Variants in LRP12 observed in about 807,000 individuals in gnomAD.
LRP12 encodes the protein LDL receptor related protein 12.
LRP12 carries 14 observed loss-of-function variants against 66.0 expected under a neutral mutation model. The observed-to-expected ratio is 0.21, with a 90% CI of 0.14 to 0.33. The LOEUF (loss-of-function observed/expected upper bound fraction) is 0.33, where lower values mean the gene tolerates loss of function less well. Among genes scored for constraint, LRP12 ranks in the 10% least tolerant of loss-of-function variants. The pLI is 1.00. For missense variants in LRP12, 889 were observed against 1,053.4 expected (o/e 0.84, Z 2.16); for synonymous variants, 357 against 359.1 (o/e 0.99, Z 0.07).
chr8:104,529,632 C>G (rs1472976291), intron 2 of LRP12, among the ~76,000 whole-genome samples: 4 of 152,130 alleles, frequency 2.6e-5, no homozygotes, highest in Admixed American at 2.6e-4. Context: ...TTCATAAGTT[C>G]TCATACTCTG....
chr8:104,530,281 A>G (rs1424071489), intron 2 of LRP12, among the ~76,000 whole-genome samples: 2 of 152,148 alleles, frequency 1.3e-5, no homozygotes, highest in Middle Eastern at 3.2e-3. Context: ...CCTCAAGCCC[A>G]TATGTGGAAG....
At position 104,490,872 on chromosome 8, in the gene LRP12, G is replaced by C. The variant is rs1177765950; in HGVS notation, c.2381C>G (p.Pro794Arg). Residue 794 changes from proline to arginine, a missense_variant, in exon 7 of 7, where the codon CCT (proline) becomes CGT (arginine). Around this residue, in one of 3 missense-constraint regions of LRP12, gnomAD observed 800 missense variants for 964.5 expected, o/e 0.83. Coordinates refer to ENST00000276654, the MANE Select transcript of LRP12 (RefSeq NM_013437.5). ...TTGATCTGAGGCAAGATCAAGAAGA[G>C]GTCTGGAGCAGTCATTCACATCAAA... ...SDFDVNDCSR[P>R]LLDLASDQGQ... 6.2e-7 allele frequency: 1 copy of C among 1,614,052 alleles called. No individual in the cohort carries two copies. Among genetic ancestry groups the C allele is most frequent in the Middle Eastern group, 1.6e-4 (1 of 6,062 alleles).
chr8:104,523,768 T>G (rs1811185240), intron 2 of LRP12, among the ~76,000 whole-genome samples: 1 of 152,174 alleles, frequency 6.6e-6, no homozygotes, highest in Non-Finnish European at 1.5e-5. Context: ...AAAAGCCGAA[T>G]TGCTTGATAT....
In LRP12 at chr8:104,491,147, A is replaced by G. The variant is rs755266760; in HGVS notation, c.2106T>C (p.Gly702=). ...CASSSTQSTR[G]GHADNGRDVT... ...CATCCCTTCCATTATCTGCATGACCACCTCGGGTACTCTGAGTTGAGGAAC... is the reference window on the plus strand; with the variant it reads ...CATCCCTTCCATTATCTGCATGACCGCCTCGGGTACTCTGAGTTGAGGAAC... Residue 702 remains glycine, a synonymous_variant, in exon 7 of 7, where the codon GGT becomes GGC. Transcript: ENST00000276654. 1 of 1,613,928 alleles carries G rather than the reference A, an allele frequency of 6.2e-7. No individual in the cohort carries two copies. The highest frequency in any genetic ancestry group is 8.5e-7 in the Non-Finnish European group (1 of 1,180,002).
chr8:104,539,182 C>G (rs1811429438), intron 1 of LRP12, among the ~76,000 whole-genome samples: 1 of 152,114 alleles, frequency 6.6e-6, no homozygotes, highest in African/African-American at 2.4e-5. Context: ...CGACTGTAAA[C>G]ACAAACCAGT....
intron 3 of LRP12, chr8:104,506,787 A>T (rs1440373770): frequency 6.6e-6 from 1 of 152,198 alleles, no homozygotes. Flanking sequence ...AGGGAGAGGA[A>T]TGAAGTAAAA....
chr8:104,548,615 TTA>T, intron 1 of LRP12, among the ~76,000 whole-genome samples: 1 of 110,556 alleles, frequency 9.0e-6, no homozygotes, highest in Non-Finnish European at 1.8e-5. Flanking sequence ...TATAATTAAA[TTA>T]ATTATATAAT....
At position 104,539,758 on chromosome 8, in the gene LRP12, AT is replaced by A. The variant is rs1180514604; in HGVS notation, c.80-7796del. On this transcript the variant is annotated intron_variant, in intron 1 of 6. Coordinates refer to ENST00000276654, the MANE Select transcript of LRP12 (RefSeq NM_013437.5). ...AGCACTGTAAAGAATCTTATAGATA[AT>A]TCATGTCAAATTATGTGAGAAGATA... 2.6e-5 allele frequency among the ~76,000 whole-genome samples: 4 copies of A among 152,192 alleles called. No individual in the cohort carries two copies. In the South Asian group the frequency reaches 8.3e-4, roughly 32 times the overall value.
At position 104,491,238 on chromosome 8, in the gene LRP12, G is replaced by GCAA. The variant is rs1196891060; in HGVS notation, c.2012_2014dup (p.Val671dup). 6.2e-7 allele frequency: 1 copy of GCAA among 1,614,046 alleles called. No homozygotes were observed. The highest frequency in any genetic ancestry group is 1.1e-5 in the South Asian group (1 of 91,072). On this transcript the variant is annotated inframe_insertion, in exon 7 of 7. Coordinates refer to ENST00000276654, the MANE Select transcript of LRP12 (RefSeq NM_013437.5). ...AGGGACTTTTTGAGGCAAAGGAGCTGCAACCCCACCAGATGCTCCTGCCAT... is the reference window on the plus strand; with the variant it reads ...AGGGACTTTTTGAGGCAAAGGAGCTGCAACAACCCCACCAGATGCTCCTGCCAT...
chr8:104,585,499 T>G (rs148499963), intron 1 of LRP12, among the ~76,000 whole-genome samples: 3,507 of 152,308 alleles, frequency 0.023, 156 homozygotes, highest in African/African-American at 0.08. Flanking sequence ...GTGCTGGGAT[T>G]ACAGGCTTGA....
Position 104,533,967 on chromosome 8 carries a change from C to G in LRP12, c.80-2004G>C, listed in dbSNP as rs150664648. Among the ~76,000 whole-genome samples the G allele has an allele frequency of 2.9e-3, 445 of 151,070 alleles. 3 individuals carry two copies. Among genetic ancestry groups the G allele is most frequent in the African/African-American group, 0.011 (432 of 41,112 alleles). On this transcript the variant is annotated intron_variant, in intron 1 of 6. Coordinates refer to ENST00000276654, the MANE Select transcript of LRP12 (RefSeq NM_013437.5). Reference sequence around the variant, plus strand: ...ACCAGCTCCATTACTTCTTGCTGTGCAATTTAGGGCAAGTTACCCAATCTC... The same window carrying G: ...ACCAGCTCCATTACTTCTTGCTGTGGAATTTAGGGCAAGTTACCCAATCTC...
At chr8:104,579,817 T>C (rs1053019295) in intron 1 of LRP12, among the ~76,000 whole-genome samples, 8 of 151,950 alleles carry the variant, frequency 5.3e-5, no homozygotes, top group African/African-American at 1.9e-4. Flanking sequence ...TTGACAAAAA[T>C]GAGCCATAGG....
intron 2 of LRP12, among the ~76,000 whole-genome samples, chr8:104,520,207 G>A (rs762662258): frequency 2.6e-5 from 4 of 151,894 alleles, no homozygotes; most frequent in East Asian, 3.9e-4. Flanking sequence ...AATGCATAAC[G>A]TAAGATGAAT....
At chr8:104,544,407 A>C (rs569054309) in intron 1 of LRP12, among the ~76,000 whole-genome samples, 2 of 152,324 alleles carry the variant, frequency 1.3e-5, no homozygotes, top group South Asian at 2.1e-4. Flanking sequence ...AGGTGGCTAC[A>C]CGAGGCAACA....
At chr8:104,573,165 TG>T (rs1297566554) in intron 1 of LRP12, among the ~76,000 whole-genome samples, 1 of 152,204 alleles carries the variant, frequency 6.6e-6, no homozygotes, top group Non-Finnish European at 1.5e-5. Context: ...CCTTTGTACC[TG>T]GGCAAATACT....
intron 2 of LRP12, among the ~76,000 whole-genome samples, chr8:104,529,597 C>T (rs915931331): frequency 3.3e-5 from 5 of 152,128 alleles, no homozygotes; most frequent in African/African-American, 1.2e-4. Context: ...GAATGTAGTA[C>T]TATATCTATC....
Position 104,490,655 on chromosome 8 carries a change from C to G in LRP12, c.*18G>C, listed in dbSNP as rs760077739. 4 of 1,589,906 alleles carry G rather than the reference C, an allele frequency of 2.5e-6. No homozygotes were observed. Among genetic ancestry groups the G allele is most frequent in the Non-Finnish European group, 3.4e-6 (4 of 1,169,822 alleles). On this transcript the variant is annotated 3_prime_UTR_variant, in exon 7 of 7. Coordinates refer to ENST00000276654, the MANE Select transcript of LRP12 (RefSeq NM_013437.5). Reference sequence around the variant, plus strand: ...TATTGCTCCAACTTGTATACAATCTCCCTTATGTGATTCGTACCTAACAAA... The same window carrying G: ...TATTGCTCCAACTTGTATACAATCTGCCTTATGTGATTCGTACCTAACAAA...
chr8:104,490,658 T>A lies in LRP12; in HGVS notation c.*15A>T. The stretch of plus-strand genomic sequence containing the variant: ...TGCTCCAACTTGTATACAATCTCCC[T>A]TATGTGATTCGTACCTAACAAAGTA... On this transcript the variant is annotated 3_prime_UTR_variant, in exon 7 of 7. Coordinates refer to ENST00000276654, the MANE Select transcript of LRP12 (RefSeq NM_013437.5). The A allele has an allele frequency of 4.4e-6, 7 of 1,592,464 alleles. No homozygotes were observed. The highest frequency in any genetic ancestry group is 6.0e-6 in the Non-Finnish European group (7 of 1,170,930).
At chr8:104,518,463 T>C (rs539383096) in intron 2 of LRP12, among the ~76,000 whole-genome samples, 1 of 152,122 alleles carries the variant, frequency 6.6e-6, no homozygotes, top group East Asian at 1.9e-4. Context: ...ACGAACTCCC[T>C]ATAACATCTG....
Sources: allele counts gnomAD v4.1 joint callset (sites outside exome capture counted in the v4.1 genomes callset), GRCh38; gene constraint gnomAD v4.1.1; regional missense constraint gnomAD v4.1.1; transcripts MANE v1.5; gene names NCBI Gene and HGNC (gene_info 2026-07-23, HGNC 2026-07-21).